MIS18A: variants seen among roughly 807,000 people sequenced by gnomAD.
MIS18A encodes MIS18 kinetochore protein A, also known as protein Mis18-alpha.
A neutral mutation model predicts 25.0 loss-of-function variants in MIS18A; 14 were observed. That is an observed-to-expected ratio of 0.56 (90% CI 0.37 to 0.88). MIS18A has a LOEUF of 0.88. Among genes scored for constraint, MIS18A ranks in the 40% least tolerant of loss-of-function variants. MIS18A has a pLI of 0.00. For synonymous variants in MIS18A, 134 were observed against 118.6 expected (o/e 1.13, Z -0.84); for missense variants, 292 against 290.8 (o/e 1.00, Z -0.03).
downstream of MIS18A, among the ~76,000 whole-genome samples, chr21:32,263,674 C>T (rs911297974): frequency 5.3e-5 from 8 of 151,924 alleles, no homozygotes; most frequent in Admixed American, 1.3e-4. Context: ...ACGTACTAAA[C>T]GAAAAGATGT....
chr21:32,200,435 C>CTT, the MIS18A span, among the ~76,000 whole-genome samples: 10 of 137,026 alleles, frequency 7.3e-5, no homozygotes, highest in Non-Finnish European at 7.9e-5. Flanking sequence ...AAGGCTTTTT[C>CTT]TTTTTTTTTT....
intron 1 of MIS18A, 95 bp downstream of exon 1, chr21:32,278,586 C>T: frequency 7.7e-7 from 1 of 1,300,470 alleles, no homozygotes; most frequent in Non-Finnish European, 1.0e-6. Context: ...CTGGGCAGCC[C>T]CAAGGAGCCC....
the MIS18A span, among the ~76,000 whole-genome samples, chr21:32,167,228 C>A: frequency 6.6e-6 from 1 of 152,028 alleles, no homozygotes; most frequent in East Asian, 1.9e-4. Flanking sequence ...ATCCAGAGCT[C>A]TATAATTTAT....
At chr21:32,274,359 C>G (rs2031771115) in intron 2 of MIS18A, among the ~76,000 whole-genome samples, 3 of 151,934 alleles carry the variant, frequency 2.0e-5, no homozygotes, top group Admixed American at 2.0e-4. Context: ...CCCGCACCAC[C>G]ATGCCCGGCT....
At chr21:32,203,613 CTTT>C in the MIS18A span, among the ~76,000 whole-genome samples, 148 of 85,342 alleles carry the variant, frequency 1.7e-3, 2 homozygotes, top group South Asian at 0.026. Context: ...TTTTTAAATG[CTTT>C]TTTTTTTTTT....
At chr21:32,247,811 T>C in the MIS18A span, among the ~76,000 whole-genome samples, 1 of 152,218 alleles carries the variant, frequency 6.6e-6, no homozygotes, top group Admixed American at 6.5e-5. Context: ...GCTACACGGC[T>C]GTGTCTAAAC....
At chr21:32,181,449 T>C in the MIS18A span, among the ~76,000 whole-genome samples, 27 of 152,278 alleles carry the variant, frequency 1.8e-4, no homozygotes, top group South Asian at 4.8e-3. Context: ...CCCTCACTAA[T>C]ACATGGGGAA....
At chr21:32,244,475 G>A in the MIS18A span, among the ~76,000 whole-genome samples, 1 of 152,186 alleles carries the variant, frequency 6.6e-6, no homozygotes, top group Admixed American at 6.5e-5. Context: ...GGTGGCTCAT[G>A]CTTGTAATCA....
Position 32,278,799 on chromosome 21 carries a change from C to A in MIS18A, c.216G>T (p.Glu72Asp). 2.5e-6 allele frequency: 4 copies of A among 1,589,488 alleles called. No homozygotes were observed. The highest frequency in any genetic ancestry group is 2.6e-6 in the Non-Finnish European group (3 of 1,171,096). The change falls in exon 1 of 5, where the codon GAG (glutamate) becomes GAT (aspartate). Residue 72 changes from glutamate to aspartate, a missense_variant. Coordinates refer to ENST00000290130, the MANE Select transcript of MIS18A (RefSeq NM_018944.3). ...GCGGCCTCTCCTCCGCAGCCGCCGCCTCCTCCTCCAGCTGCGCCCTCTCCA... is the reference window on the plus strand; with the variant it reads ...GCGGCCTCTCCTCCGCAGCCGCCGCATCCTCCTCCAGCTGCGCCCTCTCCA... ...ADMERAQLEEEAAAAEERPLV... is the reference protein window; with the variant it reads ...ADMERAQLEEDAAAAEERPLV...
the MIS18A span, among the ~76,000 whole-genome samples, chr21:32,218,778 A>T: frequency 6.6e-6 from 1 of 152,354 alleles, no homozygotes; most frequent in Non-Finnish European, 1.5e-5. Flanking sequence ...AGACTTACAG[A>T]AAACTAATAT....
the MIS18A span, among the ~76,000 whole-genome samples, chr21:32,229,115 T>G: frequency 6.6e-6 from 1 of 152,228 alleles, no homozygotes. Context: ...CCCAAAGTAT[T>G]TCTTAATTAC....
the MIS18A span, chr21:32,260,550 G>A: frequency 6.5e-6 from 1 of 152,736 alleles, no homozygotes; most frequent in Non-Finnish European, 1.5e-5. Context: ...AGCCAAGAGA[G>A]ACTGCAGAGA....
At chr21:32,219,627 A>G in the MIS18A span, among the ~76,000 whole-genome samples, 2 of 152,140 alleles carry the variant, frequency 1.3e-5, no homozygotes, top group East Asian at 3.9e-4. Flanking sequence ...GCAAGACAGA[A>G]CGGTTCACTC....
the MIS18A span, among the ~76,000 whole-genome samples, chr21:32,204,219 C>T: frequency 6.6e-6 from 1 of 152,058 alleles, no homozygotes; most frequent in Non-Finnish European, 1.5e-5. Context: ...AAAAGGAAGG[C>T]CAGGCACAGT....
the MIS18A span, among the ~76,000 whole-genome samples, chr21:32,193,116 T>A: frequency 6.6e-6 from 1 of 152,208 alleles, no homozygotes; most frequent in Admixed American, 6.5e-5. Context: ...TATTTTAACA[T>A]GAGCTGAAGC....
At chr21:32,243,442 C>T in the MIS18A span, among the ~76,000 whole-genome samples, 3 of 152,062 alleles carry the variant, frequency 2.0e-5, no homozygotes, top group African/African-American at 7.2e-5. Flanking sequence ...AGGTGTGTTA[C>T]CAAATGGTAT....
chr21:32,228,338 C>T, the MIS18A span, among the ~76,000 whole-genome samples: 96 of 152,288 alleles, frequency 6.3e-4, 1 homozygote, highest in Middle Eastern at 6.8e-3. Flanking sequence ...CCGCCCACCT[C>T]GGCCTCCCAA....
At chr21:32,216,943 T>C in the MIS18A span, among the ~76,000 whole-genome samples, 1 of 152,174 alleles carries the variant, frequency 6.6e-6, no homozygotes, top group South Asian at 2.1e-4. Context: ...ACATAATTAG[T>C]TCAGAAAAAT....
At chr21:32,219,992 A>G in the MIS18A span, among the ~76,000 whole-genome samples, 2 of 152,292 alleles carry the variant, frequency 1.3e-5, no homozygotes, top group South Asian at 4.1e-4. Flanking sequence ...GCTTATAGAT[A>G]AAACTCCCAT....
Sources: gnomAD v4.1 joint callset for allele counts (sites outside exome capture counted in the v4.1 genomes callset) on GRCh38, gnomAD v4.1.1 for gene constraint, MANE v1.5 for transcripts, NCBI Gene and HGNC (gene_info 2026-07-23, HGNC 2026-07-21) for gene names.